Variants in UNC13C observed in about 807,000 individuals in gnomAD.
UNC13C encodes unc-13 homolog C, also known as protein unc-13 homolog C.
A neutral mutation model predicts 245.4 loss-of-function variants in UNC13C; 174 were observed. That is an observed-to-expected ratio of 0.71 (90% CI 0.63 to 0.80). The LOEUF (loss-of-function observed/expected upper bound fraction) is 0.80. Ranked by LOEUF, UNC13C falls within the 30% of genes least tolerant of loss-of-function variation. The pLI, the probability that UNC13C is intolerant of heterozygous loss-of-function variation, is 0.00. For synonymous variants in UNC13C, 992 were observed against 895.1 expected, an observed-to-expected ratio of 1.11 and a Z score of -1.93; for missense variants, 2,829 against 2,602.9, an observed-to-expected ratio of 1.09 and a Z score of -1.89.
At chr15:54,248,797 A>T (rs1273250870) in intron 7 of UNC13C, among the ~76,000 whole-genome samples, 2 of 152,280 alleles carry the variant, frequency 1.3e-5, no homozygotes, top group Non-Finnish European at 2.9e-5. Flanking sequence ...TCAAAATTAG[A>T]AACATTTTTA....
At chr15:54,305,102 A>G (rs931193485) in intron 13 of UNC13C, among the ~76,000 whole-genome samples, 1 of 152,122 alleles carries the variant, frequency 6.6e-6, no homozygotes, top group African/African-American at 2.4e-5. Flanking sequence ...TTACTGCTTC[A>G]TAAGAAGTTC....
At chr15:54,325,100 T>C (rs1256996589) in intron 14 of UNC13C, among the ~76,000 whole-genome samples, 1 of 152,022 alleles carries the variant, frequency 6.6e-6, no homozygotes, top group African/African-American at 2.4e-5. Flanking sequence ...CACAGTTATA[T>C]AAATTAAAGC....
intron 30 of UNC13C, among the ~76,000 whole-genome samples, chr15:54,620,779 C>A (rs1323491185): frequency 1.0e-5 from 1 of 99,806 alleles, no homozygotes; most frequent in Non-Finnish European, 2.1e-5. Context: ...GAGCAAGACC[C>A]TGTCTCAAAA....
At chr15:54,310,066 C>G (rs1567177493) in intron 13 of UNC13C, among the ~76,000 whole-genome samples, 1 of 151,606 alleles carries the variant, frequency 6.6e-6, no homozygotes, top group Non-Finnish European at 1.5e-5. Flanking sequence ...TTAAACATTT[C>G]CAGAGATTGC....
intron 2 of UNC13C, among the ~76,000 whole-genome samples, chr15:54,117,182 G>C (rs757244988): frequency 1.1e-4 from 16 of 151,944 alleles, no homozygotes; most frequent in Non-Finnish European, 1.8e-4. Flanking sequence ...TTAATTCCTG[G>C]TCAGATGGAT....
chr15:54,472,287 C>A (rs927753847), intron 19 of UNC13C, among the ~76,000 whole-genome samples: 2 of 151,706 alleles, frequency 1.3e-5, no homozygotes, highest in Non-Finnish European at 3.0e-5. Flanking sequence ...CAGTTTACAT[C>A]TTTTAATAAT....
At chr15:54,362,390 CTA>C (rs2140867014) in intron 17 of UNC13C, among the ~76,000 whole-genome samples, 1 of 152,316 alleles carries the variant, frequency 6.6e-6, no homozygotes, top group Non-Finnish European at 1.5e-5. Context: ...ACTAAAATGA[CTA>C]TTTCTCCTAC....
intron 19 of UNC13C, among the ~76,000 whole-genome samples, chr15:54,433,447 A>T (rs896761872): frequency 2.0e-4 from 31 of 151,950 alleles, no homozygotes; most frequent in Middle Eastern, 6.3e-3. Context: ...ATCAATGAAC[A>T]TAATCCATCA....
At position 54,405,167 on chromosome 15, in the gene UNC13C, A is replaced by G. The variant is rs1278133665; in HGVS notation, c.4848-9815A>G. Reference sequence around the variant, plus strand: ...TTTAATCCTCACAGCAGCCCTAGAAACAGTCCCAAGTTACACAATTAATAT... The same window carrying G: ...TTTAATCCTCACAGCAGCCCTAGAAGCAGTCCCAAGTTACACAATTAATAT... On this transcript the variant is annotated intron_variant, in intron 18 of 32. Transcript: ENST00000260323. Among the ~76,000 whole-genome samples the G allele has an allele frequency of 2.6e-5, 4 of 152,170 alleles. No individual in the cohort carries two copies. The East Asian group carries it at 7.7e-4, about 29-fold the overall frequency.
rs942578403 is a variant in UNC13C at position 54,499,981 on chromosome 15, G to A, written c.5061-98G>A. 3 of 876,280 alleles carry A rather than the reference G, an allele frequency of 3.4e-6. No homozygotes were observed. In the African/African-American group the frequency reaches 5.3e-5, roughly 15 times the overall value. 54.3% of individuals were successfully genotyped at this position (876,280 alleles called of 1,614,324 possible). A position where few individuals can be genotyped will look rare whatever the true frequency, so the allele number is the denominator to read the frequency against. On this transcript the variant is annotated intron_variant, in intron 20 of 32. Coordinates refer to ENST00000260323, the MANE Select transcript of UNC13C (RefSeq NM_001080534.3). ...CAAGAGAGAATGAAAGGAGATTGTT[G>A]ATTCTAAATTACTCTCATATGCAAA...
intron 7 of UNC13C, among the ~76,000 whole-genome samples, chr15:54,238,076 G>GTTTCT (rs2035752878): frequency 8.6e-6 from 1 of 115,838 alleles, no homozygotes. Flanking sequence ...ACTTTTATAG[G>GTTTCT]TTTTTTTTTT....
chr15:54,035,457 A>C (rs1896537911), intron 2 of UNC13C, among the ~76,000 whole-genome samples: 1 of 152,190 alleles, frequency 6.6e-6, no homozygotes, highest in African/African-American at 2.4e-5. Context: ...GCACCCAGTA[A>C]ACACTGTTAG....
At chr15:54,283,022 A>C (rs1440165693) in intron 10 of UNC13C, among the ~76,000 whole-genome samples, 1 of 152,190 alleles carries the variant, frequency 6.6e-6, no homozygotes, top group Non-Finnish European at 1.5e-5. Context: ...GAAAACGTAG[A>C]AAACCAATTA....
At chr15:54,458,856 A>C (rs1891683635) in intron 19 of UNC13C, among the ~76,000 whole-genome samples, 1 of 151,756 alleles carries the variant, frequency 6.6e-6, no homozygotes, top group Non-Finnish European at 1.5e-5. Flanking sequence ...CCATTCTGCC[A>C]TTCTGTATCT....
intron 2 of UNC13C, among the ~76,000 whole-genome samples, chr15:54,140,573 A>G (rs2031970636): frequency 6.6e-6 from 1 of 152,186 alleles, no homozygotes; most frequent in African/African-American, 2.4e-5. Context: ...CCAGAAAGAG[A>G]GGTTGTGCTT....
chr15:54,612,441 T>TACAA (rs1450157332), intron 30 of UNC13C, among the ~76,000 whole-genome samples: 1 of 152,084 alleles, frequency 6.6e-6, no homozygotes, highest in Non-Finnish European at 1.5e-5. Context: ...TAACATCTGT[T>TACAA]ACAAAACATT....
chr15:53,964,803 A>G, the UNC13C span, among the ~76,000 whole-genome samples: 1 of 152,260 alleles, frequency 6.6e-6, no homozygotes, highest in Middle Eastern at 3.4e-3. Flanking sequence ...AACACACAAG[A>G]CAATTTAGAA....
At chr15:54,545,549 T>G (rs1389421623) in intron 26 of UNC13C, among the ~76,000 whole-genome samples, 1 of 152,180 alleles carries the variant, frequency 6.6e-6, no homozygotes, top group Non-Finnish European at 1.5e-5. Flanking sequence ...AATATATCCA[T>G]CTGGGCTAAT....
At chr15:54,219,830 A>C (rs367781540) in intron 4 of UNC13C, among the ~76,000 whole-genome samples, 13 of 151,696 alleles carry the variant, frequency 8.6e-5, no homozygotes, top group African/African-American at 2.2e-4. Flanking sequence ...ATGCAGCCAA[A>C]AGACACATGA....
Sources: gnomAD v4.1 joint callset for allele counts (sites outside exome capture counted in the v4.1 genomes callset) on GRCh38, gnomAD v4.1.1 for gene constraint, MANE v1.5 for transcripts, NCBI Gene and HGNC (gene_info 2026-07-23, HGNC 2026-07-21) for gene names.